Variants in SNX2 observed in about 807,000 individuals in gnomAD.
SNX2 encodes the protein sorting nexin-2.
Under a neutral mutation model 69.9 loss-of-function variants are expected in SNX2, and 25 were observed. The observed-to-expected ratio is 0.36, with a 90% CI of 0.26 to 0.50. The LOEUF is 0.50. Ranked by LOEUF, SNX2 falls within the 20% of genes least tolerant of loss-of-function variation. The pLI is 0.97. For synonymous variants in SNX2, 229 were observed against 200.4 expected (o/e 1.14, Z -1.20); for missense variants, 551 against 613.3 (o/e 0.90, Z 1.07).
intron 1 of SNX2, among the ~76,000 whole-genome samples, chr5:122,776,829 A>G (rs980347525): frequency 2.0e-5 from 3 of 152,206 alleles, no homozygotes; most frequent in African/African-American, 7.2e-5. Context: ...TGTATTTCCC[A>G]TGTGAATAAA....
intron 11 of SNX2, among the ~76,000 whole-genome samples, chr5:122,825,590 ATTTCTT>A (rs1302398730): frequency 6.6e-6 from 1 of 151,548 alleles, no homozygotes; most frequent in Non-Finnish European, 1.5e-5. Context: ...TGCTATGGTA[ATTTCTT>A]CTACCACATA....
chr5:122,801,652 C>CGTGTGT (rs61189602), intron 3 of SNX2, among the ~76,000 whole-genome samples: 11,561 of 131,990 alleles, frequency 0.088, 570 homozygotes, highest in Non-Finnish European at 0.096. Flanking sequence ...TGGTCTTTTT[C>CGTGTGT]GTGTGTGTGT....
intron 11 of SNX2, among the ~76,000 whole-genome samples, chr5:122,825,090 G>A (rs1754124618): frequency 6.6e-6 from 1 of 151,958 alleles, no homozygotes; most frequent in Non-Finnish European, 1.5e-5. Flanking sequence ...TTTCTCTTCA[G>A]ATCCCTATAG....
chr5:122,791,156 T>A (rs941988872), intron 1 of SNX2, among the ~76,000 whole-genome samples: 2 of 150,458 alleles, frequency 1.3e-5, no homozygotes, highest in African/African-American at 4.9e-5. Context: ...GGAGTTTTGT[T>A]CTTGTTGCCC....
At chr5:122,798,226 C>T (rs1325018943) in intron 2 of SNX2, among the ~76,000 whole-genome samples, 2 of 151,880 alleles carry the variant, frequency 1.3e-5, no homozygotes, top group Non-Finnish European at 2.9e-5. Context: ...TAATAAATAC[C>T]AGCAATCATC....
At chr5:122,806,252 A>C (rs552693137) in intron 6 of SNX2, among the ~76,000 whole-genome samples, 3 of 152,180 alleles carry the variant, frequency 2.0e-5, no homozygotes, top group South Asian at 4.1e-4. Flanking sequence ...AAATAAATGT[A>C]GTCAAATAGT....
chr5:122,809,130 A>G (rs1753714879), intron 7 of SNX2, among the ~76,000 whole-genome samples: 1 of 152,192 alleles, frequency 6.6e-6, no homozygotes, highest in Admixed American at 6.5e-5. Flanking sequence ...TGTCTAAACA[A>G]TACAGCTTAA....
chr5:122,814,265 A>G (rs1012727926), intron 7 of SNX2, among the ~76,000 whole-genome samples: 1 of 152,228 alleles, frequency 6.6e-6, no homozygotes, highest in Non-Finnish European at 1.5e-5. Context: ...CAGTGTTAAA[A>G]TTGTAAGTCA....
rs567479310 is a variant in SNX2, at chr5:122,819,987, G to A, written c.1212+964G>A. On this transcript the variant is annotated intron_variant, in intron 11 of 14. Coordinates refer to ENST00000379516, the MANE Select transcript of SNX2 (RefSeq NM_003100.4). Reference sequence around the variant, plus strand: ...TTACCAATTTTACTTGTATTTTACCGTTTTAAATGTTCCTAATGCTGTTGG... The same window carrying A: ...TTACCAATTTTACTTGTATTTTACCATTTTAAATGTTCCTAATGCTGTTGG... 1.3e-4 allele frequency among the ~76,000 whole-genome samples: 20 copies of A among 152,216 alleles called. 1 individual carries two copies. The highest frequency in any genetic ancestry group is 2.6e-4 in the Admixed American group (4 of 15,286).
chr5:122,812,947 G>A (rs377138956), intron 7 of SNX2, among the ~76,000 whole-genome samples: 1 of 152,170 alleles, frequency 6.6e-6, no homozygotes, highest in South Asian at 2.1e-4. Context: ...ATTTTGTTTT[G>A]TTTCTGGTAA....
chr5:122,793,755 A>C (rs1753302782), intron 1 of SNX2, among the ~76,000 whole-genome samples: 1 of 145,624 alleles, frequency 6.9e-6, no homozygotes, highest in Non-Finnish European at 1.5e-5. Context: ...CTAAAAATAC[A>C]AAAAAAAATT....
At position 122,818,803 on chromosome 5, in the gene SNX2, T is replaced by C. The variant is rs770027838; in HGVS notation, c.1007-15T>C. ...GAGTGAACACTAAAATTGCATACTT[T>C]TTTTTAAATTTCAGAACTTTCAGCC... On this transcript the variant is annotated splice_polypyrimidine_tract_variant and intron_variant, in intron 10 of 14. Coordinates refer to ENST00000379516, the MANE Select transcript of SNX2 (RefSeq NM_003100.4). 2 of 1,604,496 alleles carry C rather than the reference T, an allele frequency of 1.2e-6. No homozygotes were observed. Among genetic ancestry groups the C allele is most frequent in the African/African-American group, 2.7e-5 (2 of 74,572 alleles).
At position 122,799,812 on chromosome 5, in the gene SNX2, A is replaced by C. The variant is rs1239233937; in HGVS notation, c.347A>C (p.Lys116Thr). Residue 116 changes from lysine to threonine, a missense_variant, in exon 3 of 15, where the codon AAG (lysine) becomes ACG (threonine). Lys to Thr is a moderately conservative substitution (Grantham distance 78, BLOSUM62 -1). Transcript: ENST00000379516. ...TTLIAPRIES[K>T]SMSAPVIFDR... Reference sequence around the variant, plus strand: ...CTCATTGCTCCTAGAATTGAATCAAAGAGTATGTCTGCTCCCGTGATCTTT... The same window carrying C: ...CTCATTGCTCCTAGAATTGAATCAACGAGTATGTCTGCTCCCGTGATCTTT... The C allele has an allele frequency of 1.2e-6, 2 of 1,613,358 alleles. No individual in the cohort carries two copies. The highest frequency in any genetic ancestry group is 1.7e-6 in the Non-Finnish European group (2 of 1,179,456).
At chr5:122,782,203 TTGGTTA>T (rs1365539195) in intron 1 of SNX2, among the ~76,000 whole-genome samples, 5 of 152,194 alleles carry the variant, frequency 3.3e-5, no homozygotes, top group Non-Finnish European at 7.3e-5. Flanking sequence ...ATTATCTTTT[TTGGTTA>T]TGTGTCCTTT....
At chr5:122,794,706 T>C (rs1174672549) in intron 1 of SNX2, among the ~76,000 whole-genome samples, 1 of 152,174 alleles carries the variant, frequency 6.6e-6, no homozygotes, top group Non-Finnish European at 1.5e-5. Context: ...GACAAACTAG[T>C]ACCTCCAAAA....
intron 1 of SNX2, among the ~76,000 whole-genome samples, chr5:122,781,964 G>C (rs1304962539): frequency 6.6e-6 from 1 of 151,938 alleles, no homozygotes; most frequent in Non-Finnish European, 1.5e-5. Flanking sequence ...AATTATGTCT[G>C]TTGTGTCTGT....
At chr5:122,820,006 C>G (rs1335667189) in intron 11 of SNX2, among the ~76,000 whole-genome samples, 3 of 152,088 alleles carry the variant, frequency 2.0e-5, no homozygotes, top group African/African-American at 7.2e-5. Flanking sequence ...GTTCCTAATG[C>G]TGTTGGTGAT....
intron 1 of SNX2, among the ~76,000 whole-genome samples, 156 bp from the exon 2 acceptor site, chr5:122,795,106 ATTAG>A (rs1445150779): frequency 6.6e-6 from 1 of 152,226 alleles, no homozygotes; most frequent in African/African-American, 2.4e-5. Flanking sequence ...AAAGTGTGTT[ATTAG>A]TTCATTCTTA....
chr5:122,810,577 C>T (rs3822367), intron 7 of SNX2, among the ~76,000 whole-genome samples: 99,089 of 151,972 alleles, frequency 0.65, 33,193 homozygotes, highest in African/African-American at 0.81. Flanking sequence ...TGAAGATTTA[C>T]TGTACCAAGG....
Sources: gnomAD v4.1 joint callset for allele counts (sites outside exome capture counted in the v4.1 genomes callset) on GRCh38, gnomAD v4.1.1 for gene constraint, MANE v1.5 for transcripts, NCBI Gene and HGNC (gene_info 2026-07-23, HGNC 2026-07-21) for gene names.